The following BCL2 variants were observed in gnomAD, a reference collection of about 807,000 sequenced individuals.
BCL2 encodes the protein apoptosis regulator Bcl-2.
Under a neutral mutation model 14.2 loss-of-function variants are expected in BCL2, and 1 was observed. That is an observed-to-expected ratio of 0.07 (90% CI 0.02 to 0.33). BCL2 has a LOEUF of 0.33. Among genes scored for constraint, BCL2 ranks in the 10% least tolerant of loss-of-function variants. BCL2 has a pLI of 0.99. For missense variants in BCL2, 247 were observed against 305.9 expected, an observed-to-expected ratio of 0.81 and a Z score of 1.44; for synonymous variants, 151 against 137.2, an observed-to-expected ratio of 1.10 and a Z score of -0.70.
At chr18:63,258,705 T>C (rs1911559807) in intron 2 of BCL2, among the ~76,000 whole-genome samples, 1 of 152,224 alleles carries the variant, frequency 6.6e-6, no homozygotes, top group Admixed American at 6.5e-5. Flanking sequence ...AGAGCCGAGT[T>C]GGGAGGGCAT....
At chr18:63,139,491 C>T (rs1206791430) in intron 2 of BCL2, among the ~76,000 whole-genome samples, 1 of 152,198 alleles carries the variant, frequency 6.6e-6, no homozygotes, top group African/African-American at 2.4e-5. Flanking sequence ...ATAGTAACTG[C>T]TTGGTAATAT....
At chr18:63,171,636 A>C (rs779158013) in intron 2 of BCL2, among the ~76,000 whole-genome samples, 4 of 152,238 alleles carry the variant, frequency 2.6e-5, no homozygotes, top group Non-Finnish European at 5.9e-5. Context: ...CTTTGAAAGA[A>C]AGCTAGTCCA....
chr18:63,280,397 A>G (rs1192051831), intron 2 of BCL2, among the ~76,000 whole-genome samples: 1 of 152,260 alleles, frequency 6.6e-6, no homozygotes, highest in Non-Finnish European at 1.5e-5. Context: ...GCATACTGTA[A>G]GCCTCAAGAA....
intron 2 of BCL2, among the ~76,000 whole-genome samples, chr18:63,299,601 C>T (rs142570095): frequency 3.8e-4 from 58 of 152,318 alleles, no homozygotes; most frequent in African/African-American, 1.4e-3. Context: ...AATCAAACTC[C>T]TTAGTGGGGC....
intron 2 of BCL2, among the ~76,000 whole-genome samples, chr18:63,198,690 C>T (rs1368387377): frequency 1.6e-5 from 2 of 125,914 alleles, no homozygotes; most frequent in African/African-American, 6.3e-5. Context: ...CAGACACAGA[C>T]ACACACACTG....
At chr18:63,156,696 A>C (rs1353412225) in intron 2 of BCL2, among the ~76,000 whole-genome samples, 2 of 152,180 alleles carry the variant, frequency 1.3e-5, no homozygotes, top group Admixed American at 1.3e-4. Context: ...TCTCCTCCCA[A>C]GTCCAGACGT....
chr18:63,308,222 C>T (rs575603195), intron 2 of BCL2, among the ~76,000 whole-genome samples: 15 of 152,290 alleles, frequency 9.8e-5, no homozygotes, highest in South Asian at 2.1e-4. Context: ...CTGGGAATGC[C>T]GCACTGTACT....
At position 63,169,415 on chromosome 18, in the gene BCL2, C is replaced by T. The variant is rs1270809361; in HGVS notation, c.586-40656G>A. Among the ~76,000 whole-genome samples the T allele has an allele frequency of 7.2e-4, 87 of 121,314 alleles. 5 individuals carry two copies. The highest frequency in any genetic ancestry group is 2.6e-3 in the African/African-American group (71 of 27,238). The allele number at this position is 121,314 out of a possible 152,430, so 79.6% of individuals were successfully genotyped here. ...TTTCTTTCTTTCTTTTTCTTTCTCT[C>T]TCTCTCTCTCTCTTTCTTTTTCTTT... On this transcript the variant is annotated intron_variant, in intron 2 of 2. Coordinates refer to ENST00000333681, the MANE Select transcript of BCL2 (RefSeq NM_000633.3).
chr18:63,195,935 G>A (rs1007883177), intron 2 of BCL2, among the ~76,000 whole-genome samples: 2 of 152,162 alleles, frequency 1.3e-5, no homozygotes, highest in Non-Finnish European at 1.5e-5. Context: ...ATAGCCCAGA[G>A]AAAATAAAAG....
chr18:63,285,517 C>T (rs1297398189), intron 2 of BCL2, among the ~76,000 whole-genome samples: 1 of 152,236 alleles, frequency 6.6e-6, no homozygotes, highest in Non-Finnish European at 1.5e-5. Context: ...ACCCTCCCCA[C>T]AATCTTGTGA....
At chr18:63,291,726 CTTTTTTT>C (rs11426842) in intron 2 of BCL2, among the ~76,000 whole-genome samples, 1 of 146,158 alleles carries the variant, frequency 6.8e-6, no homozygotes, top group Non-Finnish European at 1.5e-5. Flanking sequence ...ATGAGTATTT[CTTTTTTT>C]TTTTTTCTCA....
At chr18:63,177,091 A>G (rs942655165) in intron 2 of BCL2, among the ~76,000 whole-genome samples, 4 of 151,578 alleles carry the variant, frequency 2.6e-5, no homozygotes, top group Admixed American at 2.6e-4. Flanking sequence ...TAATTTTTCT[A>G]TTTTTAGTAG....
At chr18:63,162,274 G>T (rs145903542) in intron 2 of BCL2, among the ~76,000 whole-genome samples, 1 of 152,046 alleles carries the variant, frequency 6.6e-6, no homozygotes, top group Non-Finnish European at 1.5e-5. Context: ...ACAAAAAACT[G>T]CTCAAAGTTC....
chr18:63,181,121 C>T (rs1449241151), intron 2 of BCL2, among the ~76,000 whole-genome samples: 1 of 152,166 alleles, frequency 6.6e-6, no homozygotes, highest in Non-Finnish European at 1.5e-5. Flanking sequence ...TCATTTTTAC[C>T]TCTGCCACCA....
At chr18:63,150,393 G>A (rs1914625280) in intron 2 of BCL2, among the ~76,000 whole-genome samples, 3 of 152,252 alleles carry the variant, frequency 2.0e-5, no homozygotes. Flanking sequence ...GGGCCCAGGA[G>A]GGCTGAAAGA....
intron 2 of BCL2, among the ~76,000 whole-genome samples, chr18:63,185,496 G>A (rs541677933): frequency 1.3e-5 from 2 of 152,310 alleles, no homozygotes; most frequent in Admixed American, 6.5e-5. Context: ...TTCCTTCAGG[G>A]CTAGCTGCTT....
intron 2 of BCL2, among the ~76,000 whole-genome samples, chr18:63,270,480 G>A (rs1409084933): frequency 6.6e-6 from 1 of 152,138 alleles, no homozygotes; most frequent in Non-Finnish European, 1.5e-5. Flanking sequence ...ATATATGTTT[G>A]CCACCCTCTG....
chr18:63,155,986 C>T (rs1250283807), intron 2 of BCL2, among the ~76,000 whole-genome samples: 1 of 144,624 alleles, frequency 6.9e-6, no homozygotes, highest in Admixed American at 7.3e-5. Flanking sequence ...GTTCTTGGGA[C>T]TCTTGTTCTT....
intron 2 of BCL2, among the ~76,000 whole-genome samples, chr18:63,168,862 T>A (rs1267117822): frequency 1.3e-5 from 2 of 152,184 alleles, no homozygotes; most frequent in African/African-American, 4.8e-5. Context: ...CATTGCACTT[T>A]CCCTATTGGA....
Sources: allele counts gnomAD v4.1 joint callset (sites outside exome capture counted in the v4.1 genomes callset), GRCh38; gene constraint gnomAD v4.1.1; transcripts MANE v1.5; gene names NCBI Gene and HGNC (gene_info 2026-07-23, HGNC 2026-07-21).